AMOTL2: variants seen among roughly 807,000 people sequenced by gnomAD.
AMOTL2 encodes angiomotin-like protein 2.
A neutral mutation model predicts 78.4 loss-of-function variants in AMOTL2; 33 were observed. The ratio of observed to expected loss-of-function variants is 0.42; its 90% CI spans 0.32 to 0.56. AMOTL2 has a LOEUF of 0.56. Ranked by LOEUF, AMOTL2 falls within the 20% of genes least tolerant of loss-of-function variation. The pLI, the probability that AMOTL2 is intolerant of heterozygous loss-of-function variation, is 0.12. For missense variants in AMOTL2, 983 were observed against 1,030.1 expected, an observed-to-expected ratio of 0.95 and a Z score of 0.63; for synonymous variants, 422 against 428.8, an observed-to-expected ratio of 0.98 and a Z score of 0.20.
chr3:134,374,535 C>T (rs1236323806), upstream of AMOTL2: 1 of 985,404 alleles, frequency 1.0e-6, no homozygotes, highest in East Asian at 1.1e-4. Flanking sequence ...TCAGGTTCCC[C>T]CTCGGGATCA....
At chr3:134,359,806 G>A (rs1307175006) in intron 7 of AMOTL2, among the ~76,000 whole-genome samples, 3 of 152,214 alleles carry the variant, frequency 2.0e-5, no homozygotes, top group South Asian at 2.1e-4. Context: ...TGATAGTGGC[G>A]GCACAGCCCT....
Position 134,357,684 on chromosome 3 carries a change from AG to A in AMOTL2, c.*20del, listed in dbSNP as rs757147755. ...CAGAGGAGGGGAGAGAATGGCTCAG[AG>A]TCCTGAAGCACCACCTCCTTCAGAT... On this transcript the variant is annotated 3_prime_UTR_variant, in exon 10 of 10. Transcript: ENST00000249883. 2 of 1,613,324 alleles carry A rather than the reference AG, an allele frequency of 1.2e-6. No homozygotes were observed. The highest frequency in any genetic ancestry group is 4.5e-5 in the East Asian group (2 of 44,878).
chr3:134,373,948 C>T, intron 1 of AMOTL2: 2 of 589,210 alleles, frequency 3.4e-6, no homozygotes, highest in Non-Finnish European at 4.3e-6. Context: ...GCACCTGTAA[C>T]CCCCACCTAA....
intron 2 of AMOTL2, among the ~76,000 whole-genome samples, chr3:134,369,530 C>G (rs2017761854): frequency 6.6e-6 from 1 of 152,212 alleles, no homozygotes. Flanking sequence ...CTCTTCCTGA[C>G]CGAGCCCTGA....
intron 6 of AMOTL2, among the ~76,000 whole-genome samples, chr3:134,360,908 T>C (rs1341830750): frequency 6.6e-6 from 1 of 152,194 alleles, no homozygotes; most frequent in Non-Finnish European, 1.5e-5. Context: ...ACGCAGTGGC[T>C]CATGCCTGTA....
At chr3:134,364,402 C>T (rs1262000403) in intron 5 of AMOTL2, among the ~76,000 whole-genome samples, 1 of 152,116 alleles carries the variant, frequency 6.6e-6, no homozygotes, top group East Asian at 1.9e-4. Context: ...AGAAACCCGC[C>T]CCATGGCTTC....
In AMOTL2 at chr3:134,371,346, T is replaced by C. The variant is rs757720710; in HGVS notation, c.88A>G (p.Thr30Ala). The change falls in exon 2 of 10, where the codon ACG becomes GCG. Residue 30 changes from threonine to alanine, a missense_variant. Coordinates refer to ENST00000249883, the MANE Select transcript of AMOTL2 (RefSeq NM_016201.4). ...LRYGNLTETR[T>A]LLAIQQQALR... is the part of the protein sequence containing the mutation. Reference sequence around the variant, plus strand: ...GCCTGCTGCTGGATGGCTAGCAGCGTGCGCGTCTCAGTCAGGTTGCCGTAG... The same window carrying C: ...GCCTGCTGCTGGATGGCTAGCAGCGCGCGCGTCTCAGTCAGGTTGCCGTAG... 5 of 1,611,166 alleles carry C rather than the reference T, an allele frequency of 3.1e-6. No individual in the cohort carries two copies. The highest frequency in any genetic ancestry group is 4.2e-6 in the Non-Finnish European group (5 of 1,180,012).
rs373510592 is a variant in AMOTL2, at chr3:134,370,733, C to T, written c.701G>A (p.Arg234His). 16 of 1,511,406 alleles carry T rather than the reference C, an allele frequency of 1.1e-5. No homozygotes were observed. Among genetic ancestry groups the T allele is most frequent in the East Asian group, 6.8e-5 (3 of 43,864 alleles). The allele number at this position is 1,511,406 out of a possible 1,614,324, so 93.6% of individuals were successfully genotyped here. ...TAVTDPRYRA[R>H]GSPHFQHAEV... is the part of the protein sequence containing the mutation. ...AGCATGCTGGAAGTGCGGGCTGCCGCGGGCACGGTACCGTGGGTCAGTGAC... is the reference window on the plus strand; with the variant it reads ...AGCATGCTGGAAGTGCGGGCTGCCGTGGGCACGGTACCGTGGGTCAGTGAC... Residue 234 changes from arginine (R) to histidine (H), a missense_variant, in exon 2 of 10, where the codon CGC becomes CAC. Coordinates refer to ENST00000249883, the MANE Select transcript of AMOTL2 (RefSeq NM_016201.4).
At chr3:134,374,215 C>G (rs2017997739) in intron 1 of AMOTL2, 127 bp downstream of exon 1, 4 of 984,494 alleles carry the variant, frequency 4.1e-6, no homozygotes, top group Non-Finnish European at 3.6e-6. Flanking sequence ...CACTGCGCCC[C>G]GAGGACGCTC....
At chr3:134,360,027 C>G (rs950428608) in intron 7 of AMOTL2, 79 bp downstream of exon 7, 8 of 1,455,344 alleles carry the variant, frequency 5.5e-6, no homozygotes, top group Non-Finnish European at 6.5e-6. Flanking sequence ...GCCTGTTTAT[C>G]AGGGATCAAG....
intron 3 of AMOTL2, 47 bp downstream of exon 3, chr3:134,367,450 C>T (rs201066739): frequency 4.1e-5 from 65 of 1,592,582 alleles, no homozygotes; most frequent in African/African-American, 3.7e-4. Context: ...GGTAGCCCCT[C>T]GGGGTCTCTT....
chr3:134,370,982 C>T lies in AMOTL2; in HGVS notation c.452G>A (p.Arg151Lys), dbSNP rs1295545600. 7 of 1,605,704 alleles carry T rather than the reference C, an allele frequency of 4.4e-6. No individual in the cohort carries two copies. Among genetic ancestry groups the T allele is most frequent in the Non-Finnish European group, 6.0e-6 (7 of 1,176,140 alleles). ...ACTCAACGAGCGCACGTGCCCATGC[C>T]TCAGCTCCCGCAGGGCCTCGTCCTG... is the stretch of plus-strand genomic sequence containing the variant. ...RRQDEALREL[R>K]HGHVRSLSER... The change falls in exon 2 of 10, where the codon AGG (arginine) becomes AAG (lysine). Residue 151 changes from arginine to lysine, a missense_variant. Arg to Lys is a conservative substitution (Grantham distance 26). Coordinates refer to ENST00000249883, the MANE Select transcript of AMOTL2 (RefSeq NM_016201.4).
intron 5 of AMOTL2, among the ~76,000 whole-genome samples, chr3:134,365,306 G>C (rs1191547489): frequency 6.6e-6 from 1 of 152,196 alleles, no homozygotes; most frequent in Admixed American, 6.5e-5. Context: ...CGTTTAGAAT[G>C]CATCTGTTGG....
intron 3 of AMOTL2, chr3:134,366,701 G>A (rs1290220398): frequency 2.8e-5 from 10 of 356,710 alleles, no homozygotes; most frequent in African/African-American, 6.4e-5. Context: ...AGCTGCCTGC[G>A]GGGTGACTAA....
chr3:134,360,450 C>T (rs1461708766), intron 6 of AMOTL2, 37 bp from the exon 7 acceptor site: 2 of 1,571,336 alleles, frequency 1.3e-6, no homozygotes, highest in African/African-American at 2.7e-5. Flanking sequence ...GTCAAGGGTG[C>T]AGGTTGGGGT....
At chr3:134,361,047 G>A (rs377573859) in intron 6 of AMOTL2, among the ~76,000 whole-genome samples, 3 of 152,124 alleles carry the variant, frequency 2.0e-5, no homozygotes, top group East Asian at 1.9e-4. Flanking sequence ...GGTGGCGCAC[G>A]CCTGTAGTCT....
At chr3:134,374,219 G>T (rs987646744) in intron 1 of AMOTL2, 123 bp downstream of exon 1, 77 of 984,856 alleles carry the variant, frequency 7.8e-5, no homozygotes, top group Non-Finnish European at 8.4e-5. Context: ...GCGCCCCGAG[G>T]ACGCTCGATC....
Position 134,360,231 on chromosome 3 carries a change from C to T in AMOTL2, c.1758G>A (p.Ala586=), listed in dbSNP as rs376883450. ...CACGCTGAGCAGCAGCCGTGGCAGC[C>T]GCATCCATGGCAAACTGCCTCATGG... is the stretch of plus-strand genomic sequence containing the variant. The part of the protein sequence containing the change: ...ERAMRQFAMD[A]AATAAAQRDT... Residue 586 remains alanine (A), a synonymous_variant, in exon 7 of 10, where the codon GCG becomes GCA. Coordinates refer to ENST00000249883, the MANE Select transcript of AMOTL2 (RefSeq NM_016201.4). The T allele has an allele frequency of 3.8e-5, 62 of 1,614,028 alleles. 1 individual carries two copies. The highest frequency in any genetic ancestry group is 2.7e-4 in the South Asian group (25 of 91,076).
Position 134,359,323 on chromosome 3 carries a change from A to C in AMOTL2, c.2064T>G (p.Ser688Arg). The change falls in exon 8 of 10, where the codon AGT (serine) becomes AGG (arginine). Residue 688 changes from serine to arginine, a missense_variant. Physicochemically the swap from Ser to Arg is moderately radical, Grantham distance 110. Coordinates refer to ENST00000249883, the MANE Select transcript of AMOTL2 (RefSeq NM_016201.4). The part of the protein sequence containing the change: ...GTQGWQGLSS[S>R]ERQTADAPAR... ...CAGGGGCGTCTGCTGTTTGTCGCTC[A>C]CTAGAAGAGAGCCCTTGCCAGCCCT... is the stretch of plus-strand genomic sequence containing the variant. The C allele has an allele frequency of 6.2e-7, 1 of 1,614,196 alleles. No homozygotes were observed. Among genetic ancestry groups the C allele is most frequent in the South Asian group, 1.1e-5 (1 of 91,090 alleles).
Sources: allele counts gnomAD v4.1 joint callset (sites outside exome capture counted in the v4.1 genomes callset), GRCh38; gene constraint gnomAD v4.1.1; transcripts MANE v1.5; gene names NCBI Gene and HGNC (gene_info 2026-07-23, HGNC 2026-07-21).